SULF2: variants seen among roughly 807,000 people sequenced by gnomAD.
SULF2 encodes sulfatase 2, also known as extracellular sulfatase Sulf-2.
Under a neutral mutation model 107.7 loss-of-function variants are expected in SULF2, and 52 were observed. The ratio of observed to expected loss-of-function variants is 0.48; its 90% CI spans 0.39 to 0.61. The LOEUF (loss-of-function observed/expected upper bound fraction) is 0.61, where lower values mean the gene tolerates loss of function less well. Among genes scored for constraint, SULF2 ranks in the 20% least tolerant of loss-of-function variants. The probability of loss-of-function intolerance (pLI) is 0.00; values close to 1 mark genes in which losing one functional copy is unlikely to be tolerated. For synonymous variants in SULF2, 460 were observed against 464.3 expected, an observed-to-expected ratio of 0.99 and a Z score of 0.12; for missense variants, 993 against 1,177.3, an observed-to-expected ratio of 0.84 and a Z score of 2.29.
chr20:47,720,753 T>C (rs1048153868), intron 3 of SULF2, among the ~76,000 whole-genome samples: 1 of 152,134 alleles, frequency 6.6e-6, no homozygotes, highest in African/African-American at 2.4e-5. Context: ...GTTTTGATCC[T>C]ACCCCTGACA....
intron 4 of SULF2, among the ~76,000 whole-genome samples, chr20:47,696,390 T>C (rs896759897): frequency 1.0e-5 from 1 of 96,600 alleles, no homozygotes; most frequent in African/African-American, 4.0e-5. Context: ...TTTGATTAGA[T>C]TACTCCTTAC....
chr20:47,732,406 C>T (rs1213433717), intron 3 of SULF2, among the ~76,000 whole-genome samples: 2 of 152,340 alleles, frequency 1.3e-5, no homozygotes, highest in East Asian at 3.9e-4. Context: ...ATGCCCTCAA[C>T]CACTCTGCAG....
chr20:47,659,906 C>G (rs2087011594), intron 18 of SULF2, among the ~76,000 whole-genome samples, 176 bp from the exon 19 acceptor site: 1 of 152,142 alleles, frequency 6.6e-6, no homozygotes, highest in African/African-American at 2.4e-5. Flanking sequence ...GGGAACCTGC[C>G]CTAAGTCTCC....
chr20:47,725,622 C>T (rs1001764956), intron 3 of SULF2, among the ~76,000 whole-genome samples: 1 of 152,202 alleles, frequency 6.6e-6, no homozygotes, highest in East Asian at 1.9e-4. Flanking sequence ...CCAATCCATC[C>T]CTCAGGTGTG....
At chr20:47,763,641 G>C (rs1243377765) in intron 1 of SULF2, among the ~76,000 whole-genome samples, 10 of 152,186 alleles carry the variant, frequency 6.6e-5, no homozygotes, top group Admixed American at 6.5e-4. Context: ...CCCCGCAACA[G>C]ACCTAGCGGC....
At chr20:47,745,384 A>G (rs768710506) in intron 2 of SULF2, among the ~76,000 whole-genome samples, 57 of 5,672 alleles carry the variant, frequency 0.01, no homozygotes, top group African/African-American at 0.013. Flanking sequence ...TTTTGAGGGA[A>G]AAAAAAAAAA....
chr20:47,661,655 G>A (rs2087071675), intron 18 of SULF2, 118 bp downstream of exon 18: 2 of 1,127,190 alleles, frequency 1.8e-6, no homozygotes, highest in Non-Finnish European at 2.4e-6. Flanking sequence ...GTCTGGAACT[G>A]TATCACCTCC....
rs565355747 is a variant in SULF2, at chr20:47,698,161, C to T, written c.567+4358G>A. 3.3e-5 allele frequency among the ~76,000 whole-genome samples: 5 copies of T among 152,338 alleles called. No individual in the cohort carries two copies. In the East Asian group the frequency reaches 5.8e-4, roughly 18 times the overall value. On this transcript the variant is annotated intron_variant, in intron 4 of 20. Transcript: ENST00000688720. ...GAGGCAGAGGGATCTCCATGTGTGC[C>T]GGGGTTTCCAGAACAGAAGTGGGAC... is the stretch of plus-strand genomic sequence containing the variant.
chr20:47,745,444 TATATATATATATACAC>T (rs1216144563), intron 2 of SULF2, among the ~76,000 whole-genome samples: 1,034 of 15,920 alleles, frequency 0.065, 87 homozygotes, highest in African/African-American at 0.079. Flanking sequence ...TATATATATA[TATATATATATATACAC>T]ATACACACAC....
At chr20:47,702,256 C>G (rs1252334674) in intron 4 of SULF2, among the ~76,000 whole-genome samples, 1 of 152,134 alleles carries the variant, frequency 6.6e-6, no homozygotes, top group African/African-American at 2.4e-5. Context: ...GACAGGGTCT[C>G]GTCATGTTGC....
At chr20:47,712,400 T>C (rs905945994) in intron 3 of SULF2, among the ~76,000 whole-genome samples, 1 of 152,224 alleles carries the variant, frequency 6.6e-6, no homozygotes, top group Non-Finnish European at 1.5e-5. Flanking sequence ...TGAGAAGTTG[T>C]CCCTGGTCAC....
intron 4 of SULF2, among the ~76,000 whole-genome samples, chr20:47,698,729 T>A (rs1444351698): frequency 2.6e-5 from 4 of 151,886 alleles, no homozygotes; most frequent in Non-Finnish European, 5.9e-5. Flanking sequence ...CTAGTCTGAT[T>A]AAAAAAAATT....
chr20:47,662,927 C>T (rs2087131228), intron 17 of SULF2, 143 bp downstream of exon 17: 7 of 881,286 alleles, frequency 7.9e-6, no homozygotes, highest in Non-Finnish European at 1.2e-5. Flanking sequence ...CCAATCTCAG[C>T]AGCTTCACAA....
intron 4 of SULF2, among the ~76,000 whole-genome samples, chr20:47,696,433 G>C (rs1349107335): frequency 6.6e-6 from 1 of 151,084 alleles, no homozygotes; most frequent in African/African-American, 2.4e-5. Context: ...TGGCTCTTCT[G>C]TCCCCTACTG....
intron 20 of SULF2, 99 bp downstream of exon 20, chr20:47,659,298 CAA>C: frequency 9.5e-7 from 1 of 1,050,378 alleles, no homozygotes. Flanking sequence ...TGAGAACAAA[CAA>C]AGGGTGGTAT....
chr20:47,679,001 G>A (rs549085543), intron 7 of SULF2, among the ~76,000 whole-genome samples, 197 bp from the exon 8 acceptor site: 48 of 102,968 alleles, frequency 4.7e-4, no homozygotes, highest in Admixed American at 4.5e-3. Context: ...CTCTGTGCTC[G>A]CCCCCCCTTA....
At position 47,665,412 on chromosome 20, in the gene SULF2, C is replaced by G. The variant is rs187509847; in HGVS notation, c.1903-119G>C. 1.9e-5 allele frequency: 14 copies of G among 747,224 alleles called. No individual in the cohort carries two copies. The African/African-American group carries it at 2.1e-4, about 11-fold the overall frequency. 46.3% of individuals were successfully genotyped at this position (747,224 alleles called of 1,614,324 possible). ...CTCAGCAGCGGCAGCCTGCACTCCC[C>G]GGGCCCCAGGGCAAGCACCGGCATG... On this transcript the variant is annotated intron_variant, in intron 13 of 20. Coordinates refer to ENST00000688720, the MANE Select transcript of SULF2 (RefSeq NM_001387048.1).
At chr20:47,770,786 C>G (rs907499579) in intron 1 of SULF2, among the ~76,000 whole-genome samples, 4 of 152,222 alleles carry the variant, frequency 2.6e-5, no homozygotes, top group Middle Eastern at 3.4e-3. Context: ...GCGGAGTGGG[C>G]ACCTCCATGT....
chr20:47,724,298 C>G (rs369163518), intron 3 of SULF2, among the ~76,000 whole-genome samples: 8 of 152,194 alleles, frequency 5.3e-5, no homozygotes, highest in Middle Eastern at 3.2e-3. Context: ...ACAAGCAGAT[C>G]GCCAGGGCGA....
Sources: allele counts gnomAD v4.1 joint callset (sites outside exome capture counted in the v4.1 genomes callset), GRCh38; gene constraint gnomAD v4.1.1; transcripts MANE v1.5; gene names NCBI Gene and HGNC (gene_info 2026-07-23, HGNC 2026-07-21).